Variants in VSIG10L observed in about 807,000 individuals in gnomAD.
The protein encoded by VSIG10L is V-set and immunoglobulin domain-containing protein 10-like.
Under a neutral mutation model 67.3 loss-of-function variants are expected in VSIG10L, and 63 were observed. The ratio of observed to expected loss-of-function variants is 0.94; its 90% CI spans 0.76 to 1.15. The LOEUF is 1.15. VSIG10L is among the 50% of genes most tolerant of loss of function. VSIG10L has a pLI of 0.00. For missense variants in VSIG10L, 1,050 were observed against 1,177.5 expected, an observed-to-expected ratio of 0.89 and a Z score of 1.58; for synonymous variants, 499 against 524.9, an observed-to-expected ratio of 0.95 and a Z score of 0.67.
rs981051492 is a variant in VSIG10L, at chr19:51,337,393, T to G, written c.2150A>C (p.Tyr717Ser). 2 of 1,551,456 alleles carry G rather than the reference T, an allele frequency of 1.3e-6. No homozygotes were observed. The highest frequency in any genetic ancestry group is 2.7e-5 in the African/African-American group (2 of 72,986). Residue 717 changes from tyrosine to serine, a missense_variant, in exon 7 of 10, where the codon TAC (tyrosine) becomes TCC (serine). This residue lies in a region of VSIG10L where 529 missense variants were observed against 584.9 expected (regional missense o/e 0.90). Coordinates refer to ENST00000335624, the MANE Select transcript of VSIG10L (RefSeq NM_001163922.3). ...GATGAGCAGGGAGACCCAGTCCCTG[T>G]AGGTGGAAGTCCTGCCCAGAGCAGG... ...DGPALGRTST[Y>S]RDWVSLLILG...
rs1409586867 is a variant in VSIG10L at position 51,341,889 on chromosome 19, G to C, written c.159C>G (p.Pro53=). The part of the protein sequence containing the change: ...SSSQGLGVEV[P]SIKPPSWKVP... ...CTTTCCAGCTGGGAGGTTTGATGGA[G>C]GGAACTTCCACACCCAGCCCCTGGG... The change falls in exon 2 of 10, where the codon CCC becomes CCG. Residue 53 remains proline (P), a synonymous_variant. Transcript: ENST00000335624. 2.6e-6 allele frequency: 4 copies of C among 1,551,672 alleles called. No individual in the cohort carries two copies. In the South Asian group the frequency reaches 4.8e-5, roughly 18 times the overall value.
At chr19:51,337,742 T>G (rs1599833552) in intron 6 of VSIG10L, among the ~76,000 whole-genome samples, 188 bp downstream of exon 6, 2 of 103,550 alleles carry the variant, frequency 1.9e-5, no homozygotes, top group South Asian at 3.3e-4. Flanking sequence ...GAAGAGGGGC[T>G]GGGGCTAGAC....
Position 51,339,114 on chromosome 19 carries a change from T to C in VSIG10L, c.1503A>G (p.Ser501=). 3 of 1,334,758 alleles carry C rather than the reference T, an allele frequency of 2.2e-6. No homozygotes were observed. Among genetic ancestry groups the C allele is most frequent in the Non-Finnish European group, 2.9e-6 (3 of 1,035,494 alleles). The allele number at this position is 1,334,758 out of a possible 1,614,324, so 82.7% of individuals were successfully genotyped here. A position where few individuals can be genotyped will look rare whatever the true frequency, so the allele number is the denominator to read the frequency against. The part of the protein sequence containing the change: ...ADLPPGAPQC[S]VEGGPGDRSL... ...TGCGGTCCCCGGGACCCCCTTCAAC[T>C]GAGCACTGTGGGGCCCCGGGGGGCA... Residue 501 remains serine, a synonymous_variant, in exon 5 of 10, where the codon TCA becomes TCG. Transcript: ENST00000335624.
chr19:51,337,329 T>C lies in VSIG10L; in HGVS notation c.2214A>G (p.Pro738=), dbSNP rs2064763376. The C allele has an allele frequency of 6.4e-7, 1 of 1,551,062 alleles. No homozygotes were observed. Among genetic ancestry groups the C allele is most frequent in the Non-Finnish European group, 8.7e-7 (1 of 1,146,848 alleles). ...PQERSAVVPL[P]PRNPGTWTFR... is the part of the protein sequence containing the mutation. The stretch of plus-strand genomic sequence containing the variant: ...AGGTCCAGGTCCCTGGGTTCCGAGG[T>C]GGAAGGGGCACCACGGCTGACCGCT... The change falls in exon 7 of 10, where the codon CCA becomes CCG. Residue 738 remains proline, a synonymous_variant. Transcript: ENST00000335624.
chr19:51,340,693 G>A lies in VSIG10L; in HGVS notation c.929C>T (p.Ala310Val). 6.6e-7 allele frequency: 1 copy of A among 1,519,044 alleles called. No individual in the cohort carries two copies. 94.1% of individuals were successfully genotyped at this position (1,519,044 alleles called of 1,614,324 possible). A position where few individuals can be genotyped will look rare whatever the true frequency, so the allele number is the denominator to read the frequency against. ...PLPQLSVQPK[A>V]PETEEGAAEL... ...GGCCGCCCCCTCCTCTGTCTCTGGA[G>A]CCTTGGGCTGAACCGACAGCTGGGG... is the stretch of plus-strand genomic sequence containing the variant. The change falls in exon 3 of 10, where the codon GCT (alanine) becomes GTT (valine). Residue 310 changes from alanine (A) to valine (V), a missense_variant. Physicochemically the swap from Ala to Val is moderately conservative, Grantham distance 64 (BLOSUM62 0). Coordinates refer to ENST00000335624, the MANE Select transcript of VSIG10L (RefSeq NM_001163922.3). The surrounding 1 kb of genome is among the most constrained non-coding windows in gnomAD (Gnocchi z 6.3).
At position 51,337,432 on chromosome 19, in the gene VSIG10L, G is replaced by C. The variant is rs1208198854; in HGVS notation, c.2111C>G (p.Ala704Gly). 1 of 1,551,708 alleles carries C rather than the reference G, an allele frequency of 6.4e-7. No individual in the cohort carries two copies. Among genetic ancestry groups the C allele is most frequent in the Non-Finnish European group, 8.7e-7 (1 of 1,146,984 alleles). Reference sequence around the variant, plus strand: ...GCCCAGAGCAGGCCCATCTGGCCATGCCTGGATCTCAAAACTGCTGATCAG... The same window carrying C: ...GCCCAGAGCAGGCCCATCTGGCCATCCCTGGATCTCAAAACTGCTGATCAG... The part of the protein sequence containing the change: ...GALISSFEIQ[A>G]WPDGPALGRT... The change falls in exon 7 of 10, where the codon GCA (alanine) becomes GGA (glycine). Residue 704 changes from alanine (A) to glycine (G), a missense_variant. Transcript: ENST00000335624.
Position 51,340,593 on chromosome 19 carries a change from C to T in VSIG10L, c.1029G>A (p.Leu343=), listed in dbSNP as rs1985610430. The T allele has an allele frequency of 6.5e-7, 1 of 1,535,336 alleles. No homozygotes were observed. The highest frequency in any genetic ancestry group is 8.7e-7 in the Non-Finnish European group (1 of 1,146,434). The change falls in exon 3 of 10, where the codon CTG becomes CTA. Residue 343 remains leucine, a synonymous_variant. Transcript: ENST00000335624. The surrounding 1 kb of genome is among the most constrained non-coding windows in gnomAD (Gnocchi z 6.3). Reference sequence around the variant, plus strand: ...CGGCTCCCTCCGATTCCGCCGCCTCCAGGGCGCGTCCGTCCCGGCTCCAGC... The same window carrying T: ...CGGCTCCCTCCGATTCCGCCGCCTCTAGGGCGCGTCCGTCCCGGCTCCAGC... ...ELSWSRDGRA[L]EAAESEGAET... is the part of the protein sequence containing the mutation.
At chr19:51,338,740 T>A (rs995295089) in intron 5 of VSIG10L, 148 bp downstream of exon 5, 207 of 1,012,158 alleles carry the variant, frequency 2.0e-4, no homozygotes, top group Non-Finnish European at 2.5e-4. Context: ...AGGAAAATCT[T>A]TGTCCCTTTT....
In VSIG10L at chr19:51,340,250, C is replaced by A. The variant is rs1161705464; in HGVS notation, c.1239G>T (p.Ala413=). The change falls in exon 4 of 10, where the codon GCG becomes GCT. Residue 413 remains alanine, a synonymous_variant. Coordinates refer to ENST00000335624, the MANE Select transcript of VSIG10L (RefSeq NM_001163922.3). The surrounding 1 kb of genome is among the most constrained non-coding windows in gnomAD (Gnocchi z 6.3). ...TGCCCGCGGTGACAAAGCGGGCAGG[C>A]GCGGCGTCGCGGTCCGAGGAGACCG... ...TITVSSDRDA[A]PARFVTAGSN... The A allele has an allele frequency of 1.3e-6, 2 of 1,513,490 alleles. No individual in the cohort carries two copies. The highest frequency in any genetic ancestry group is 5.3e-5 in the East Asian group (2 of 37,676). The allele number at this position is 1,513,490 out of a possible 1,614,324, so 93.8% of individuals were successfully genotyped here.
At chr19:51,333,715 A>G in intron 9 of VSIG10L, 76 bp downstream of exon 9, 1 of 1,426,988 alleles carries the variant, frequency 7.0e-7, no homozygotes, top group Non-Finnish European at 9.3e-7. Flanking sequence ...GATAATTGAG[A>G]CCCTCTCATC....
chr19:51,339,907 C>CAGTGG, intron 4 of VSIG10L, 108 bp downstream of exon 4: 1 of 1,152,066 alleles, frequency 8.7e-7, no homozygotes, highest in Non-Finnish European at 1.1e-6. Flanking sequence ...CCCCACCCAC[C>CAGTGG]GGTATGCTGC....
intron 7 of VSIG10L, among the ~76,000 whole-genome samples, chr19:51,336,330 G>A (rs958391737): frequency 2.0e-5 from 3 of 152,148 alleles, no homozygotes; most frequent in African/African-American, 7.2e-5. Context: ...GCCAAGGTGT[G>A]TGGGTCACCT....
At chr19:51,333,529 C>T (rs1160078817) in intron 9 of VSIG10L, among the ~76,000 whole-genome samples, 1 of 117,362 alleles carries the variant, frequency 8.5e-6, no homozygotes, top group Admixed American at 8.8e-5. Context: ...ACTCTGTCTC[C>T]AAAAAAAAAA....
rs1247492764 is a variant in VSIG10L, at chr19:51,338,225, T to C, written c.1730-17A>G. ...GGGGGGCCTCTGCCGGTGGGAGAAG[T>C]CCAGTTAAGAAAGTCAAGACCTTAC... is the stretch of plus-strand genomic sequence containing the variant. On this transcript the variant is annotated splice_polypyrimidine_tract_variant and intron_variant, in intron 5 of 9. Coordinates refer to ENST00000335624, the MANE Select transcript of VSIG10L (RefSeq NM_001163922.3). The C allele has an allele frequency of 1.4e-6, 2 of 1,455,730 alleles. No individual in the cohort carries two copies. Among genetic ancestry groups the C allele is most frequent in the Admixed American group, 2.8e-5 (1 of 35,210 alleles). 90.2% of individuals were successfully genotyped at this position (1,455,730 alleles called of 1,614,324 possible). A position where few individuals can be genotyped will look rare whatever the true frequency, so the allele number is the denominator to read the frequency against.
intron 4 of VSIG10L, among the ~76,000 whole-genome samples, chr19:51,339,494 C>A (rs968992834): frequency 1.3e-5 from 2 of 152,120 alleles, no homozygotes; most frequent in Non-Finnish European, 2.9e-5. Flanking sequence ...TCCCAGATAT[C>A]TCCGCCCTTC....
At chr19:51,334,444 G>C in intron 7 of VSIG10L, 140 bp from the exon 8 acceptor site, 1 of 661,226 alleles carries the variant, frequency 1.5e-6, no homozygotes, top group South Asian at 1.9e-5. Flanking sequence ...AGGAATGTGG[G>C]ACCCCAGCAC....
At chr19:51,336,305 C>T (rs772426915) in intron 7 of VSIG10L, among the ~76,000 whole-genome samples, 36 of 152,034 alleles carry the variant, frequency 2.4e-4, no homozygotes, top group Non-Finnish European at 4.4e-4. Flanking sequence ...ACCTGTAATC[C>T]CAGCACTTTG....
At position 51,341,824 on chromosome 19, in the gene VSIG10L, A is replaced by C; in HGVS notation, c.224T>G (p.Ile75Ser). The C allele has an allele frequency of 1.9e-6, 3 of 1,551,502 alleles. No homozygotes were observed. Among genetic ancestry groups the C allele is most frequent in the Non-Finnish European group, 2.6e-6 (3 of 1,146,952 alleles). The change falls in exon 2 of 10, where the codon ATC (isoleucine) becomes AGC (serine). Residue 75 changes from isoleucine to serine, a missense_variant. By Grantham distance (142) the Ile-to-Ser change is moderately radical. Transcript: ENST00000335624. Reference protein sequence around the residue: ...QFLDSKASAGISDSSWFPEAL... With the variant: ...QFLDSKASAGSSDSSWFPEAL... ...CTCAGGAAACCAGCTGGAATCAGAGATTCCAGCAGAGGCTTTTGAATCCAG... is the reference window on the plus strand; with the variant it reads ...CTCAGGAAACCAGCTGGAATCAGAGCTTCCAGCAGAGGCTTTTGAATCCAG...
At chr19:51,337,869 T>C in intron 6 of VSIG10L, 61 bp downstream of exon 6, 1 of 1,480,932 alleles carries the variant, frequency 6.8e-7, no homozygotes, top group Admixed American at 2.4e-5. Flanking sequence ...AACTTCTGGG[T>C]CTGAGGGCTG....
Sources: gnomAD v4.1 joint callset for allele counts (sites outside exome capture counted in the v4.1 genomes callset) on GRCh38, gnomAD v4.1.1 for gene constraint, gnomAD v4.1.1 regional missense constraint, Gnocchi (gnomAD v3.1) non-coding constraint, MANE v1.5 for transcripts, NCBI Gene and HGNC (gene_info 2026-07-23, HGNC 2026-07-21) for gene names.